The following VPS13D variants were observed in gnomAD, a reference collection of about 807,000 sequenced individuals.
VPS13D encodes the protein intermembrane lipid transfer protein VPS13D.
VPS13D carries 187 observed loss-of-function variants against 461.9 expected under a neutral mutation model. The ratio of observed to expected loss-of-function variants is 0.40; its 90% CI spans 0.36 to 0.46. The LOEUF (loss-of-function observed/expected upper bound fraction) is 0.46, where lower values mean the gene tolerates loss of function less well. Ranked by LOEUF, VPS13D falls within the 20% of genes least tolerant of loss-of-function variation. The pLI is 0.60. For synonymous variants in VPS13D, 1,951 were observed against 1,986.3 expected (o/e 0.98, Z 0.47); for missense variants, 4,711 against 5,364.9 (o/e 0.88, Z 3.81).
chr1:12,247,521 A>AC (rs985310069), intron 5 of VPS13D, among the ~76,000 whole-genome samples: 27 of 152,136 alleles, frequency 1.8e-4, no homozygotes, highest in African/African-American at 6.3e-4. Context: ...CCCAAAAAAA[A>AC]CAAAAACAAA....
Position 12,282,853 on chromosome 1 carries a change from C to A in VPS13D, c.4751C>A (p.Ser1584Tyr). Residue 1584 changes from serine (S) to tyrosine (Y), a missense_variant, in exon 21 of 70, where the codon TCT (serine) becomes TAT (tyrosine). Ser to Tyr is a moderately radical substitution (Grantham distance 144). Around this residue, in one of 3 missense-constraint regions of VPS13D, gnomAD observed 4,411 missense variants for 4,937.8 expected, o/e 0.89. Coordinates refer to ENST00000620676, the MANE Select transcript of VPS13D (RefSeq NM_015378.4). ...PLPPLSTCGE[S>Y]SVERKENGLF... ...CCTCCCCTCAGTACCTGTGGAGAATCTTCTGTTGAAAGGAAGGAGAATGGA... is the reference window on the plus strand; with the variant it reads ...CCTCCCCTCAGTACCTGTGGAGAATATTCTGTTGAAAGGAAGGAGAATGGA... 6.2e-7 allele frequency: 1 copy of A among 1,614,120 alleles called. No individual in the cohort carries two copies. Among genetic ancestry groups the A allele is most frequent in the South Asian group, 1.1e-5 (1 of 91,086 alleles).
intron 35 of VPS13D, among the ~76,000 whole-genome samples, chr1:12,324,559 A>G (rs1643130589): frequency 6.6e-6 from 1 of 152,260 alleles, no homozygotes; most frequent in African/African-American, 2.4e-5. Context: ...ACTGTCTGCC[A>G]CTACCTATTA....
chr1:12,323,408 G>A (rs574428398), intron 34 of VPS13D, among the ~76,000 whole-genome samples: 6 of 152,050 alleles, frequency 3.9e-5, no homozygotes, highest in Non-Finnish European at 7.4e-5. Flanking sequence ...AACACAGTCA[G>A]GGGAAAATGT....
At chr1:12,401,057 C>A (rs1004118610) in intron 61 of VPS13D, among the ~76,000 whole-genome samples, 4 of 151,968 alleles carry the variant, frequency 2.6e-5, no homozygotes, top group Non-Finnish European at 5.9e-5. Context: ...TTGAGACAGA[C>A]GTGCTGCTAC....
intron 55 of VPS13D, among the ~76,000 whole-genome samples, chr1:12,374,406 A>G (rs1279697869): frequency 6.6e-6 from 1 of 152,012 alleles, no homozygotes; most frequent in Non-Finnish European, 1.5e-5. Context: ...TTTACTTTTT[A>G]TTTGGAAACA....
intron 63 of VPS13D, among the ~76,000 whole-genome samples, chr1:12,409,404 ATAAG>A (rs1644695225): frequency 6.6e-6 from 1 of 152,220 alleles, no homozygotes; most frequent in Non-Finnish European, 1.5e-5. Context: ...CAAAAAGATT[ATAAG>A]TAAGAAAACA....
chr1:12,484,342 C>A (rs548733599), intron 67 of VPS13D, among the ~76,000 whole-genome samples: 1 of 152,346 alleles, frequency 6.6e-6, no homozygotes, highest in African/African-American at 2.4e-5. Flanking sequence ...AGAGTCACTT[C>A]AAGGATGTAG....
intron 68 of VPS13D, among the ~76,000 whole-genome samples, chr1:12,498,562 G>A (rs1470736048): frequency 6.6e-6 from 1 of 152,220 alleles, no homozygotes; most frequent in African/African-American, 2.4e-5. Context: ...TGTGCCTTGT[G>A]TGACCCCTGT....
At chr1:12,297,110 C>T (rs1466377686) in intron 24 of VPS13D, among the ~76,000 whole-genome samples, 1 of 152,052 alleles carries the variant, frequency 6.6e-6, no homozygotes, top group Admixed American at 6.6e-5. Flanking sequence ...TTTTATTTGT[C>T]GATAAGATTA....
At chr1:12,254,944 TTTC>T (rs1001489194) in intron 7 of VPS13D, among the ~76,000 whole-genome samples, 2 of 151,710 alleles carry the variant, frequency 1.3e-5, no homozygotes, top group African/African-American at 4.9e-5. Flanking sequence ...ACATGATGGC[TTTC>T]TTCTTTTTTT....
intron 54 of VPS13D, among the ~76,000 whole-genome samples, chr1:12,372,159 T>C (rs1180702188): frequency 2.6e-5 from 4 of 152,144 alleles, no homozygotes; most frequent in African/African-American, 7.2e-5. Context: ...GATCAAACGG[T>C]CCTCCTGCTT....
In VPS13D at chr1:12,266,956, T is replaced by C; in HGVS notation, c.1670T>C (p.Leu557Pro). The stretch of plus-strand genomic sequence containing the variant: ...TCAGTCCGGTTGGGTGGACTGTTTC[T>C]TCGAGACCTGGCTACAGAAGGAACT... The part of the protein sequence containing the change: ...LLSVRLGGLF[L>P]RDLATEGTMF... Residue 557 changes from leucine (L) to proline (P), a missense_variant, in exon 14 of 70, where the codon CTT (leucine) becomes CCT (proline). By Grantham distance (98) the Leu-to-Pro change is moderately conservative. Around this residue, in one of 3 missense-constraint regions of VPS13D, gnomAD observed 4,411 missense variants for 4,937.8 expected, o/e 0.89. Transcript: ENST00000620676. 6.2e-7 allele frequency: 1 copy of C among 1,611,226 alleles called. No individual in the cohort carries two copies.
At chr1:12,468,688 T>C (rs1017294256) in intron 67 of VPS13D, among the ~76,000 whole-genome samples, 1 of 152,184 alleles carries the variant, frequency 6.6e-6, no homozygotes, top group African/African-American at 2.4e-5. Context: ...TACTAACTTG[T>C]CAAATGGAGG....
chr1:12,307,563 G>A (rs1642601996), intron 26 of VPS13D, among the ~76,000 whole-genome samples: 1 of 152,086 alleles, frequency 6.6e-6, no homozygotes, highest in South Asian at 2.1e-4. Context: ...GCGTGATCTT[G>A]GCTCACTGCA....
chr1:12,268,008 C>T, intron 15 of VPS13D, 88 bp downstream of exon 15: 2 of 1,139,746 alleles, frequency 1.8e-6, no homozygotes, highest in Non-Finnish European at 2.5e-6. Context: ...GTCACCCAGG[C>T]TGGAGTGCAG....
At chr1:12,234,672 G>A (rs185006155) in intron 2 of VPS13D, among the ~76,000 whole-genome samples, 3 of 152,092 alleles carry the variant, frequency 2.0e-5, no homozygotes, top group Admixed American at 1.3e-4. Flanking sequence ...ACAATGTACC[G>A]ACAGTGGCAT....
At chr1:12,466,808 A>G (rs1645490053) in intron 67 of VPS13D, among the ~76,000 whole-genome samples, 1 of 152,276 alleles carries the variant, frequency 6.6e-6, no homozygotes, top group South Asian at 2.1e-4. Flanking sequence ...TTAACATGTC[A>G]GTTTCATCAC....
At chr1:12,393,542 G>A (rs1237946064) in intron 60 of VPS13D, among the ~76,000 whole-genome samples, 3 of 152,206 alleles carry the variant, frequency 2.0e-5, no homozygotes, top group African/African-American at 7.2e-5. Context: ...TTAAGCTTAC[G>A]ATAATCCACT....
intron 35 of VPS13D, among the ~76,000 whole-genome samples, chr1:12,327,406 G>C (rs1643217201): frequency 6.6e-6 from 1 of 152,176 alleles, no homozygotes; most frequent in Non-Finnish European, 1.5e-5. Flanking sequence ...AATTTGAGTG[G>C]AAGGTGTGCA....
Sources: allele counts gnomAD v4.1 joint callset (sites outside exome capture counted in the v4.1 genomes callset), GRCh38; gene constraint gnomAD v4.1.1; regional missense constraint gnomAD v4.1.1; transcripts MANE v1.5; gene names NCBI Gene and HGNC (gene_info 2026-07-23, HGNC 2026-07-21).